Variants in RAD51B observed in about 807,000 individuals in gnomAD.
The protein encoded by RAD51B is RAD51 paralog B.
RAD51B carries 38 observed loss-of-function variants against 42.2 expected under a neutral mutation model. The observed-to-expected ratio is 0.90, with a 90% CI of 0.70 to 1.18. The LOEUF is 1.18. RAD51B is among the 50% of genes most tolerant of loss of function. The pLI is 0.00. For missense variants in RAD51B, 373 were observed against 400.7 expected, an observed-to-expected ratio of 0.93 and a Z score of 0.59; for synonymous variants, 154 against 145.2, an observed-to-expected ratio of 1.06 and a Z score of -0.43.
At chr14:68,442,481 G>T (rs1242951567) in intron 9 of RAD51B, among the ~76,000 whole-genome samples, 2 of 111,482 alleles carry the variant, frequency 1.8e-5, no homozygotes, top group East Asian at 5.8e-4. Context: ...TCGCTCTGTT[G>T]CTAGGCTGGA....
chr14:68,079,733 C>T (rs2076885170), intron 7 of RAD51B, among the ~76,000 whole-genome samples: 1 of 152,208 alleles, frequency 6.6e-6, no homozygotes, highest in African/African-American at 2.4e-5. Context: ...TATTTTTTCT[C>T]ACTGCATAGG....
chr14:67,855,149 TGGCCTCCCAAAGTGCTGGGA>T (rs2041947163), intron 4 of RAD51B, among the ~76,000 whole-genome samples: 1 of 152,046 alleles, frequency 6.6e-6, no homozygotes, highest in African/African-American at 2.4e-5. Flanking sequence ...CCACCTGCCT[TGGCCTCCCAAAGTGCTGGGA>T]TTACAGGCAT....
chr14:68,148,238 A>G (rs1422673947), intron 7 of RAD51B, among the ~76,000 whole-genome samples: 1 of 152,200 alleles, frequency 6.6e-6, no homozygotes, highest in Non-Finnish European at 1.5e-5. Flanking sequence ...GTTGATGGAT[A>G]TTTTGGGTTC....
chr14:68,334,675 T>C (rs534499316), intron 8 of RAD51B, among the ~76,000 whole-genome samples: 1 of 152,130 alleles, frequency 6.6e-6, no homozygotes, highest in Non-Finnish European at 1.5e-5. Context: ...ACCTTTAAGT[T>C]GATTCCATAT....
At chr14:68,156,225 T>G (rs1344251582) in intron 7 of RAD51B, among the ~76,000 whole-genome samples, 1 of 152,234 alleles carries the variant, frequency 6.6e-6, no homozygotes, top group African/African-American at 2.4e-5. Flanking sequence ...TGTGTGTGCA[T>G]GCGCCAAGTG....
At chr14:68,554,885 G>C (rs1305855508) in intron 10 of RAD51B, among the ~76,000 whole-genome samples, 1 of 146,306 alleles carries the variant, frequency 6.8e-6, no homozygotes, top group African/African-American at 2.5e-5. Context: ...CTCTCACTCT[G>C]TTGCCCAGGC....
chr14:68,051,655 T>G (rs1004324597), intron 7 of RAD51B, among the ~76,000 whole-genome samples: 6 of 151,914 alleles, frequency 3.9e-5, no homozygotes, highest in African/African-American at 9.7e-5. Flanking sequence ...GAATATAGTA[T>G]AAGCATGATC....
intron 7 of RAD51B, among the ~76,000 whole-genome samples, chr14:68,217,929 G>A (rs1053926181): frequency 1.3e-5 from 2 of 152,144 alleles, no homozygotes; most frequent in African/African-American, 4.8e-5. Context: ...GGCCTTGCTG[G>A]ATTTCTTCAT....
At chr14:68,024,377 C>T (rs1443133269) in intron 7 of RAD51B, among the ~76,000 whole-genome samples, 1 of 152,064 alleles carries the variant, frequency 6.6e-6, no homozygotes, top group Non-Finnish European at 1.5e-5. Context: ...TTGAAAATGA[C>T]ATTGGTAGTT....
chr14:68,560,731 C>T (rs1347464533), intron 10 of RAD51B, among the ~76,000 whole-genome samples: 1 of 152,030 alleles, frequency 6.6e-6, no homozygotes, highest in African/African-American at 2.4e-5. Context: ...AGTGAGACTC[C>T]ATCTCAAAAA....
chr14:68,355,610 G>GT (rs926607046), intron 8 of RAD51B, among the ~76,000 whole-genome samples: 23 of 151,380 alleles, frequency 1.5e-4, no homozygotes, highest in Admixed American at 4.0e-4. Context: ...AGTGGTTTGG[G>GT]TTTTTTTTTC....
chr14:67,966,235 C>T (rs1032248311), intron 7 of RAD51B, among the ~76,000 whole-genome samples: 5 of 152,196 alleles, frequency 3.3e-5, no homozygotes, highest in Non-Finnish European at 7.3e-5. Context: ...TTCACACTCA[C>T]ATTGGTGCTT....
intron 7 of RAD51B, among the ~76,000 whole-genome samples, chr14:68,215,612 A>G (rs1467959417): frequency 2.6e-5 from 4 of 152,080 alleles, no homozygotes. Context: ...CCAAAATTAG[A>G]CCCAGGCTTT....
intron 7 of RAD51B, among the ~76,000 whole-genome samples, chr14:67,986,164 T>A (rs1461688826): frequency 6.6e-6 from 1 of 152,232 alleles, no homozygotes; most frequent in Non-Finnish European, 1.5e-5. Flanking sequence ...AGATGATTTA[T>A]CTTGGTAATT....
chr14:68,073,318 T>C (rs1002625041), intron 7 of RAD51B, among the ~76,000 whole-genome samples: 1 of 152,234 alleles, frequency 6.6e-6, no homozygotes, highest in African/African-American at 2.4e-5. Context: ...TTAAAGTCAG[T>C]TTTGTCTGAA....
chr14:67,995,563 T>C (rs1043862822), intron 7 of RAD51B, among the ~76,000 whole-genome samples: 15 of 151,820 alleles, frequency 9.9e-5, no homozygotes, highest in Admixed American at 3.3e-4. Flanking sequence ...ACTGCTTTTT[T>C]CCCCCCTCTG....
At chr14:68,609,304 C>A (rs757917877) in intron 10 of RAD51B, among the ~76,000 whole-genome samples, 2 of 152,154 alleles carry the variant, frequency 1.3e-5, no homozygotes, top group Non-Finnish European at 2.9e-5. Context: ...CCCCTGAGGC[C>A]ACTGTCAGTG....
rs146575724 is a variant in RAD51B, at chr14:68,275,215, C to T, written c.757-16669C>T. Among the ~76,000 whole-genome samples, 100 of 152,296 alleles carry T rather than the reference C, an allele frequency of 6.6e-4. 1 individual carries two copies. In the East Asian group the frequency reaches 0.017, roughly 26 times the overall value. On this transcript the variant is annotated intron_variant, in intron 7 of 10. Transcript: ENST00000471583. ...AACTCCAGAAGGCCATCTTATTTTC[C>T]TCATTTCCAAGTCTGTGTTAGAGTC... is the stretch of plus-strand genomic sequence containing the variant.
At chr14:68,218,410 A>G (rs570864028) in intron 7 of RAD51B, among the ~76,000 whole-genome samples, 48 of 152,366 alleles carry the variant, frequency 3.2e-4, no homozygotes, top group African/African-American at 1.1e-3. Context: ...GGCAGTTGGC[A>G]GTACATTTCA....
Sources: allele counts gnomAD v4.1 joint callset (sites outside exome capture counted in the v4.1 genomes callset), GRCh38; gene constraint gnomAD v4.1.1; transcripts MANE v1.5; gene names NCBI Gene and HGNC (gene_info 2026-07-23, HGNC 2026-07-21).